Variants in PRKCE observed in about 807,000 individuals in gnomAD.
The protein encoded by PRKCE is protein kinase C epsilon.
PRKCE carries 16 observed loss-of-function variants against 85.4 expected under a neutral mutation model. That is an observed-to-expected ratio of 0.19 (90% confidence interval 0.13 to 0.28). PRKCE has a LOEUF of 0.28. Among genes scored for constraint, PRKCE ranks in the 10% least tolerant of loss-of-function variants. The probability of loss-of-function intolerance (pLI) is 1.00; values close to 1 mark genes in which losing one functional copy is unlikely to be tolerated. For missense variants in PRKCE, 573 were observed against 975.2 expected, an observed-to-expected ratio of 0.59 and a Z score of 5.49; for synonymous variants, 388 against 371.5, an observed-to-expected ratio of 1.04 and a Z score of -0.51.
At chr2:45,668,688 C>G (rs1238455616) in intron 1 of PRKCE, among the ~76,000 whole-genome samples, 1 of 152,052 alleles carries the variant, frequency 6.6e-6, no homozygotes, top group Non-Finnish European at 1.5e-5. Context: ...AGCTGTGTGA[C>G]CTTGATGAAG....
At chr2:46,150,692 A>G (rs1676533323) in intron 12 of PRKCE, among the ~76,000 whole-genome samples, 1 of 152,142 alleles carries the variant, frequency 6.6e-6, no homozygotes, top group African/African-American at 2.4e-5. Flanking sequence ...TTCTCTCAGT[A>G]TGCATCGTGC....
chr2:45,782,557 C>T (rs375343227), intron 1 of PRKCE, among the ~76,000 whole-genome samples: 1 of 152,102 alleles, frequency 6.6e-6, no homozygotes, highest in African/African-American at 2.4e-5. Context: ...TGAATCTAGC[C>T]TCTAGGGAAA....
intron 10 of PRKCE, among the ~76,000 whole-genome samples, chr2:46,032,169 A>G (rs1033899166): frequency 2.6e-5 from 4 of 152,154 alleles, no homozygotes; most frequent in African/African-American, 9.7e-5. Flanking sequence ...TTGCTTTACA[A>G]AGTCCTTTGT....
chr2:45,874,898 T>C (rs769451661), intron 2 of PRKCE, among the ~76,000 whole-genome samples: 11 of 152,116 alleles, frequency 7.2e-5, no homozygotes, highest in Non-Finnish European at 1.6e-4. Context: ...CTATTTTTAT[T>C]TGGGGGTATA....
chr2:45,751,919 G>A (rs375133498), intron 1 of PRKCE, among the ~76,000 whole-genome samples: 6 of 140,300 alleles, frequency 4.3e-5, no homozygotes, highest in African/African-American at 1.6e-4. Flanking sequence ...CCGGGTTCAC[G>A]CCATTCTCCT....
chr2:45,856,417 G>C (rs1436930741), intron 2 of PRKCE, among the ~76,000 whole-genome samples: 6 of 152,112 alleles, frequency 3.9e-5, no homozygotes, highest in Non-Finnish European at 8.8e-5. Flanking sequence ...TTTTGGTAGA[G>C]ACGGATTTTC....
chr2:45,907,107 G>A lies in PRKCE; in HGVS notation c.412+64044G>A, dbSNP rs554444192. ...GAAGGAAGGCGGTCAGAGGGTACACGCTCCATGTTAAATTTCTGAGGAGCA... is the reference window on the plus strand; with the variant it reads ...GAAGGAAGGCGGTCAGAGGGTACACACTCCATGTTAAATTTCTGAGGAGCA... On this transcript the variant is annotated intron_variant, in intron 2 of 14. Transcript: ENST00000306156. This position sits in a 1 kb window ranked among gnomAD's most constrained non-coding sequence, Gnocchi z 4.5. 2.6e-5 allele frequency among the ~76,000 whole-genome samples: 4 copies of A among 152,244 alleles called. No individual in the cohort carries two copies. The highest frequency in any genetic ancestry group is 3.9e-4 in the East Asian group (2 of 5,170).
intron 10 of PRKCE, among the ~76,000 whole-genome samples, chr2:46,025,666 G>C (rs982388275): frequency 3.3e-5 from 5 of 152,178 alleles, no homozygotes; most frequent in African/African-American, 1.2e-4. Context: ...TGTCTCATAA[G>C]GGACTTTGTC....
At chr2:45,657,242 A>G (rs559642961) in intron 1 of PRKCE, among the ~76,000 whole-genome samples, 1 of 152,200 alleles carries the variant, frequency 6.6e-6, no homozygotes, top group South Asian at 2.1e-4. Flanking sequence ...ACAGAAAGCC[A>G]TCATTTGAGA....
chr2:45,906,654 C>T (rs1339189970), intron 2 of PRKCE, among the ~76,000 whole-genome samples: 1 of 152,158 alleles, frequency 6.6e-6, no homozygotes, highest in African/African-American at 2.4e-5. Context: ...GCTATCTCTG[C>T]CTTGACAGGG....
intron 2 of PRKCE, among the ~76,000 whole-genome samples, chr2:45,870,253 A>T (rs1374986621): frequency 6.6e-6 from 1 of 152,160 alleles, no homozygotes. Context: ...GAAATGCAGA[A>T]CCCAAGACAC....
rs1702676176 is a variant in PRKCE, at chr2:45,978,991, G to A, written c.588G>A (p.Lys196=). 1 of 1,599,420 alleles carries A rather than the reference G, an allele frequency of 6.3e-7. No individual in the cohort carries two copies. Among genetic ancestry groups the A allele is most frequent in the African/African-American group, 1.3e-5 (1 of 75,016 alleles). ...CRDFIWGVIG[K]QGYQCQVCTC... is the part of the protein sequence containing the mutation. ...TTCTTTTCAGGGGTGTCATAGGAAAGCAGGGATACCAGTGTCAAGGTAAGA... is the reference window on the plus strand; with the variant it reads ...TTCTTTTCAGGGGTGTCATAGGAAAACAGGGATACCAGTGTCAAGGTAAGA... The change falls in exon 4 of 15, where the codon AAG becomes AAA. Residue 196 remains lysine (K), a synonymous_variant. Coordinates refer to ENST00000306156, the MANE Select transcript of PRKCE (RefSeq NM_005400.3).
intron 11 of PRKCE, among the ~76,000 whole-genome samples, chr2:46,100,223 T>C (rs990193781): frequency 1.3e-5 from 2 of 152,136 alleles, no homozygotes; most frequent in Non-Finnish European, 2.9e-5. Flanking sequence ...CTGAGGAACA[T>C]TCAGAGATCC....
At chr2:45,729,087 C>T (rs1421972046) in intron 1 of PRKCE, among the ~76,000 whole-genome samples, 5 of 152,208 alleles carry the variant, frequency 3.3e-5, no homozygotes, top group African/African-American at 1.2e-4. Flanking sequence ...CCGACCATGG[C>T]TACCATGATG....
chr2:45,861,396 A>G (rs935997023), intron 2 of PRKCE, among the ~76,000 whole-genome samples: 3 of 152,216 alleles, frequency 2.0e-5, no homozygotes, highest in East Asian at 1.9e-4. Flanking sequence ...TAAATATGCT[A>G]TGTAATTACC....
At chr2:45,740,852 A>G (rs1284496680) in intron 1 of PRKCE, among the ~76,000 whole-genome samples, 2 of 152,254 alleles carry the variant, frequency 1.3e-5, no homozygotes, top group African/African-American at 4.8e-5. Context: ...GATACTGTAT[A>G]ACATGCAGAT....
chr2:45,755,687 T>G (rs558229659), intron 1 of PRKCE, among the ~76,000 whole-genome samples: 1 of 152,370 alleles, frequency 6.6e-6, no homozygotes, highest in South Asian at 2.1e-4. Flanking sequence ...TTGATTTCTC[T>G]GTCTATCCTC....
At chr2:45,751,411 G>A (rs961186390) in intron 1 of PRKCE, among the ~76,000 whole-genome samples, 2 of 152,144 alleles carry the variant, frequency 1.3e-5, no homozygotes, top group Admixed American at 1.3e-4. Context: ...TAATTAGGCT[G>A]CAAATTCCTT....
rs111838472 is a variant in PRKCE at position 45,850,870 on chromosome 2, A to G, written c.412+7807A>G. ...ATCCTCCATTTCTTCAGTTGGAAGC[A>G]TCATTTATTTGCTTATCTAATATAT... On this transcript the variant is annotated intron_variant, in intron 2 of 14. Coordinates refer to ENST00000306156, the MANE Select transcript of PRKCE (RefSeq NM_005400.3). Among the ~76,000 whole-genome samples the G allele has an allele frequency of 4.8e-3, 732 of 152,310 alleles. 5 individuals carry two copies. The highest frequency in any genetic ancestry group is 0.017 in the African/African-American group (696 of 41,564).
Sources: allele counts gnomAD v4.1 joint callset (sites outside exome capture counted in the v4.1 genomes callset), GRCh38; gene constraint gnomAD v4.1.1; non-coding constraint Gnocchi (gnomAD v3.1); transcripts MANE v1.5; gene names NCBI Gene and HGNC (gene_info 2026-07-23, HGNC 2026-07-21).